RPH3A: variants seen among roughly 807,000 people sequenced by gnomAD.
The protein encoded by RPH3A is rabphilin 3A.
In RPH3A, 48 loss-of-function variants were observed where a neutral mutation model predicts 102.2. The ratio of observed to expected loss-of-function variants is 0.47; its 90% CI spans 0.37 to 0.60. The LOEUF is 0.60. Among genes scored for constraint, RPH3A ranks in the 20% least tolerant of loss-of-function variants. RPH3A has a pLI of 0.00. For missense variants in RPH3A, 781 were observed against 910.1 expected (o/e 0.86, Z 1.83); for synonymous variants, 310 against 324.3 (o/e 0.96, Z 0.47).
chr12:112,761,592 CT>C (rs1175743834), intron 1 of RPH3A, among the ~76,000 whole-genome samples: 1 of 152,214 alleles, frequency 6.6e-6, no homozygotes, highest in African/African-American at 2.4e-5. Context: ...GGCGGGGCTC[CT>C]GGCAGCTGCC....
chr12:112,787,959 T>A (rs1452943156), upstream of RPH3A, among the ~76,000 whole-genome samples: 1 of 152,208 alleles, frequency 6.6e-6, no homozygotes, highest in East Asian at 1.9e-4. Flanking sequence ...ATCTTCGCAA[T>A]GTTCTATCAT....
At chr12:112,646,752 C>T (rs1287288502) in intron 1 of RPH3A, among the ~76,000 whole-genome samples, 1 of 152,162 alleles carries the variant, frequency 6.6e-6, no homozygotes, top group Non-Finnish European at 1.5e-5. Flanking sequence ...TCACTGTTGG[C>T]TGATTGTTTG....
chr12:112,833,477 A>C (rs2042001144), intron 3 of RPH3A, among the ~76,000 whole-genome samples: 1 of 152,150 alleles, frequency 6.6e-6, no homozygotes, highest in African/African-American at 2.4e-5. Context: ...CTAGGGACCT[A>C]CCTTGGGAAC....
chr12:112,881,945 A>T, intron 15 of RPH3A, 99 bp downstream of exon 15: 1 of 849,434 alleles, frequency 1.2e-6, no homozygotes, highest in Non-Finnish European at 1.9e-6. Flanking sequence ...TATCTGCCCC[A>T]AATCCCCAAC....
chr12:112,593,690 A>G (rs2039495028), intron 1 of RPH3A, among the ~76,000 whole-genome samples: 1 of 152,188 alleles, frequency 6.6e-6, no homozygotes, highest in Non-Finnish European at 1.5e-5. Context: ...ACTCTTATTG[A>G]GTGCTGTCTA....
chr12:112,852,440 G>C (rs1172007690), intron 5 of RPH3A, among the ~76,000 whole-genome samples: 1 of 152,118 alleles, frequency 6.6e-6, no homozygotes, highest in South Asian at 2.1e-4. Flanking sequence ...TTGATATAAG[G>C]GTTCAGAGAT....
intron 1 of RPH3A, among the ~76,000 whole-genome samples, chr12:112,730,296 T>C (rs1313097192): frequency 6.6e-6 from 1 of 152,244 alleles, no homozygotes; most frequent in Non-Finnish European, 1.5e-5. Context: ...AACACGGAGA[T>C]GCACCATTAG....
In RPH3A at chr12:112,869,789, A is replaced by T. The variant is rs1464912475; in HGVS notation, c.641A>T (p.Gln214Leu). 1.2e-6 allele frequency: 2 copies of T among 1,614,080 alleles called. No individual in the cohort carries two copies. Among genetic ancestry groups the T allele is most frequent in the East Asian group, 4.5e-5 (2 of 44,892 alleles). ...GDSEDRRGPG[Q>L]KTGPDPASAP... ...AGTGAAGATAGGAGGGGCCCGGGTC[A>T]GAAGACAGGTGGGTTCTGCTGACTC... Residue 214 changes from glutamine (Q) to leucine (L), a missense_variant, in exon 9 of 22, where the codon CAG becomes CTG. By Grantham distance (113) the Gln-to-Leu change is moderately radical. This residue lies in a region of RPH3A where 730 missense variants were observed against 810.0 expected (regional missense o/e 0.90). Coordinates refer to ENST00000389385, the MANE Select transcript of RPH3A (RefSeq NM_001143854.2).
chr12:112,858,539 CTT>C (rs1273344635), intron 5 of RPH3A, among the ~76,000 whole-genome samples: 1 of 152,172 alleles, frequency 6.6e-6, no homozygotes, highest in Non-Finnish European at 1.5e-5. Context: ...CTGTCTCTCT[CTT>C]GTGAGTTCTC....
chr12:112,831,703 T>G (rs1263507083), intron 3 of RPH3A: 3 of 446,968 alleles, frequency 6.7e-6, no homozygotes, highest in African/African-American at 4.1e-5. Flanking sequence ...TCTCTCAGAC[T>G]GTGTGTATCT....
chr12:112,724,696 C>T (rs935402100), intron 1 of RPH3A, among the ~76,000 whole-genome samples: 43 of 152,298 alleles, frequency 2.8e-4, no homozygotes, highest in African/African-American at 8.4e-4. Flanking sequence ...AGGCTGAGCA[C>T]GGTGGCTCAC....
At chr12:112,727,114 A>G (rs926665539) in intron 1 of RPH3A, among the ~76,000 whole-genome samples, 1 of 152,122 alleles carries the variant, frequency 6.6e-6, no homozygotes, top group African/African-American at 2.4e-5. Context: ...TCTAGAAAGA[A>G]ATCAGCGTTC....
chr12:112,587,749 T>C (rs1566218161), intron 1 of RPH3A, among the ~76,000 whole-genome samples: 1 of 152,230 alleles, frequency 6.6e-6, no homozygotes, highest in Non-Finnish European at 1.5e-5. Context: ...TGGTCATTGC[T>C]GAACCTGTAG....
At chr12:112,676,125 T>C (rs2040172560) in intron 1 of RPH3A, among the ~76,000 whole-genome samples, 1 of 152,012 alleles carries the variant, frequency 6.6e-6, no homozygotes. Flanking sequence ...CTCCCTTCCT[T>C]GTGCCCTCTG....
intron 1 of RPH3A, among the ~76,000 whole-genome samples, chr12:112,660,244 T>A (rs995381794): frequency 6.6e-6 from 1 of 152,314 alleles, no homozygotes; most frequent in South Asian, 2.1e-4. Context: ...TTGAAAACCA[T>A]AGAACTCTAA....
chr12:112,736,948 A>G (rs749446081), intron 1 of RPH3A, among the ~76,000 whole-genome samples: 5 of 152,158 alleles, frequency 3.3e-5, no homozygotes, highest in African/African-American at 7.2e-5. Context: ...TGAGCCCAGG[A>G]GTTCAAGACC....
At chr12:112,843,390 T>A (rs2042178245) in intron 4 of RPH3A, among the ~76,000 whole-genome samples, 2 of 152,234 alleles carry the variant, frequency 1.3e-5, no homozygotes, top group East Asian at 3.9e-4. Flanking sequence ...AACTATGTGT[T>A]CTGGAGCAGA....
In RPH3A at chr12:112,868,407, A is replaced by G. The variant is rs749892544; in HGVS notation, c.445-23A>G. 32 of 1,606,270 alleles carry G rather than the reference A, an allele frequency of 2.0e-5. No individual in the cohort carries two copies. In the Admixed American group the frequency reaches 5.0e-4, roughly 25 times the overall value. On this transcript the variant is annotated intron_variant, in intron 7 of 21. Transcript: ENST00000389385. ...AACAGCGCTTGGCTGCCACATCTTCAATCCCTGTCTCTCCTCCCCAAGGTG... is the reference window on the plus strand; with the variant it reads ...AACAGCGCTTGGCTGCCACATCTTCGATCCCTGTCTCTCCTCCCCAAGGTG...
At chr12:112,690,985 G>C (rs73196540) in intron 1 of RPH3A, among the ~76,000 whole-genome samples, 21,179 of 151,754 alleles carry the variant, frequency 0.14, 1,624 homozygotes, top group South Asian at 0.3. Context: ...AGTTCACATT[G>C]TATCCTTTGA....
Sources: gnomAD v4.1 joint callset for allele counts (sites outside exome capture counted in the v4.1 genomes callset) on GRCh38, gnomAD v4.1.1 for gene constraint, gnomAD v4.1.1 regional missense constraint, MANE v1.5 for transcripts, NCBI Gene and HGNC (gene_info 2026-07-23, HGNC 2026-07-21) for gene names.